Variants in CCDC30 observed in about 807,000 individuals in gnomAD.
CCDC30 encodes coiled-coil domain-containing protein 30.
CCDC30 carries 70 observed loss-of-function variants against 100.2 expected under a neutral mutation model. The ratio of observed to expected loss-of-function variants is 0.70; its 90% confidence interval spans 0.58 to 0.85. CCDC30 has a LOEUF of 0.85. CCDC30 is among the 40% of genes least tolerant of loss of function. The pLI is 0.00. For synonymous variants in CCDC30, 233 were observed against 269.5 expected, an observed-to-expected ratio of 0.86 and a Z score of 1.33; for missense variants, 652 against 771.2, an observed-to-expected ratio of 0.85 and a Z score of 1.83.
chr1:42,654,212 C>T, downstream of CCDC30: 1 of 589,120 alleles, frequency 1.7e-6, no homozygotes, highest in Non-Finnish European at 3.0e-6. Flanking sequence ...TGTTTGATAT[C>T]CTCAGATGCC....
intron 6 of CCDC30, among the ~76,000 whole-genome samples, chr1:42,534,221 AG>A (rs113915722): frequency 0.046 from 6,846 of 149,354 alleles, 496 homozygotes; most frequent in African/African-American, 0.15. Context: ...AAAGAAAATG[AG>A]GGGGGGGGTT....
rs1246461256 is a variant in CCDC30, at chr1:42,494,728, T to G, written c.242-2370T>G. The stretch of plus-strand genomic sequence containing the variant: ...ACAGACACTTCTCAAAAGAAGACAT[T>G]TATGCAGCCAAAAAACACATGAAAA... On this transcript the variant is annotated intron_variant, in intron 4 of 16. Coordinates refer to ENST00000668663, the Ensembl canonical transcript of CCDC30. Among the ~76,000 whole-genome samples the G allele has an allele frequency of 3.7e-5, 5 of 135,826 alleles. No homozygotes were observed. In the East Asian group the frequency reaches 1.0e-3, roughly 28 times the overall value. The allele number at this position is 135,826 out of a possible 152,430, so 89.1% of individuals were successfully genotyped here. A position where few individuals can be genotyped will look rare whatever the true frequency, so the allele number is the denominator to read the frequency against.
At chr1:42,589,030 G>A (rs1040039008) in intron 9 of CCDC30, among the ~76,000 whole-genome samples, 4 of 152,048 alleles carry the variant, frequency 2.6e-5, no homozygotes, top group African/African-American at 9.7e-5. Context: ...TTCAGGATTC[G>A]AGCCCTACCT....
chr1:42,581,297 C>T (rs1645960660), intron 8 of CCDC30, 63 bp from the exon 13 acceptor site: 1 of 1,295,226 alleles, frequency 7.7e-7, no homozygotes, highest in Non-Finnish European at 1.1e-6. Flanking sequence ...ATGTTATTCC[C>T]CTAATTTGAA....
chr1:42,602,848 G>T (rs181354970), intron 10 of CCDC30, among the ~76,000 whole-genome samples: 101 of 152,276 alleles, frequency 6.6e-4, no homozygotes, highest in African/African-American at 2.2e-3. Flanking sequence ...GTACAGACCA[G>T]TATCTCTCAC....
chr1:42,521,357 T>G (rs1412590935), intron 6 of CCDC30: 1 of 154,692 alleles, frequency 6.5e-6, no homozygotes, highest in African/African-American at 2.4e-5. Flanking sequence ...TTCTACAAAT[T>G]GTGAATTTTT....
intron 6 of CCDC30, among the ~76,000 whole-genome samples, chr1:42,510,388 G>A (rs1486074356): frequency 6.6e-6 from 1 of 152,162 alleles, no homozygotes; most frequent in Non-Finnish European, 1.5e-5. Flanking sequence ...GCCAGGTGTG[G>A]TGGCTCATGC....
chr1:42,589,566 C>G, intron 10 of CCDC30, 83 bp downstream of exon 14: 2 of 1,240,852 alleles, frequency 1.6e-6, no homozygotes. Flanking sequence ...TAGCACTTTA[C>G]TAAACCTAAT....
intron 14 of CCDC30, among the ~76,000 whole-genome samples, chr1:42,645,773 GTCAT>G (rs978876504): frequency 7.9e-5 from 12 of 152,018 alleles, no homozygotes; most frequent in Non-Finnish European, 1.5e-4. Context: ...CAATTGTCTA[GTCAT>G]TCATTCTTTT....
At chr1:42,494,278 G>T (rs1482600767) in intron 4 of CCDC30, among the ~76,000 whole-genome samples, 2 of 152,168 alleles carry the variant, frequency 1.3e-5, no homozygotes, top group Non-Finnish European at 2.9e-5. Context: ...TTAATAAATG[G>T]TGCTGGGAAA....
chr1:42,625,015 C>T (rs149649702), intron 11 of CCDC30, among the ~76,000 whole-genome samples: 1 of 151,942 alleles, frequency 6.6e-6, no homozygotes, highest in Non-Finnish European at 1.5e-5. Flanking sequence ...TGGGTTCTGG[C>T]CTTTTCTTTA....
At chr1:42,461,485 G>A (rs1008794998), upstream of CCDC30, among the ~76,000 whole-genome samples, 1 of 151,586 alleles carries the variant, frequency 6.6e-6, no homozygotes, top group Non-Finnish European at 1.5e-5. Flanking sequence ...ACAGGTGTGT[G>A]CCACCATGCC....
At chr1:42,527,816 T>C (rs148154754) in intron 6 of CCDC30, among the ~76,000 whole-genome samples, 14 of 152,232 alleles carry the variant, frequency 9.2e-5, no homozygotes, top group Admixed American at 8.5e-4. Flanking sequence ...TCTAATCTTT[T>C]AACCTCATCT....
intron 10 of CCDC30, among the ~76,000 whole-genome samples, chr1:42,607,850 A>G (rs12024674): frequency 6.6e-6 from 1 of 152,038 alleles, no homozygotes; most frequent in African/African-American, 2.4e-5. Flanking sequence ...GATTCCATCT[A>G]TGCTTTCTGC....
At chr1:42,564,118 C>T (rs1645555998) in intron 6 of CCDC30, among the ~76,000 whole-genome samples, 1 of 152,108 alleles carries the variant, frequency 6.6e-6, no homozygotes, top group Admixed American at 6.5e-5. Context: ...CAGGAGCATA[C>T]TGGACCAGGA....
intron 6 of CCDC30, among the ~76,000 whole-genome samples, chr1:42,501,139 C>T (rs965592876): frequency 6.6e-6 from 1 of 152,080 alleles, no homozygotes; most frequent in Admixed American, 6.5e-5. Flanking sequence ...ATACTTTCTT[C>T]TAAATTTTTT....
chr1:42,501,892 C>T (rs957224579), intron 6 of CCDC30, among the ~76,000 whole-genome samples: 1 of 141,454 alleles, frequency 7.1e-6, no homozygotes, highest in Non-Finnish European at 1.5e-5. Context: ...AGTTAGGCTA[C>T]TCAGGTGTCA....
At chr1:42,482,761 G>A in exon 3 of CCDC30, 2 of 1,233,948 alleles carry the variant, frequency 1.6e-6, no homozygotes, top group Non-Finnish European at 2.0e-6. Flanking sequence ...CTCATGAAGA[G>A]ATTCAAAGGC....
Position 42,646,330 on chromosome 1 carries a change from A to C in CCDC30, c.1854+13A>C, listed in dbSNP as rs1232307930. Reference sequence around the variant, plus strand: ...CTCTGAGCAGATGGTAGGAGAATCCAACTTCCACATCCACAATACCCTTCC... The same window carrying C: ...CTCTGAGCAGATGGTAGGAGAATCCCACTTCCACATCCACAATACCCTTCC... On this transcript the variant is annotated intron_variant, in intron 15 of 16. Transcript: ENST00000668663. The C allele has an allele frequency of 6.8e-7, 1 of 1,475,064 alleles. No homozygotes were observed. Among genetic ancestry groups the C allele is most frequent in the Non-Finnish European group, 9.0e-7 (1 of 1,109,758 alleles). 91.4% of individuals were successfully genotyped at this position (1,475,064 alleles called of 1,614,324 possible).
Sources: gnomAD v4.1 joint callset for allele counts (sites outside exome capture counted in the v4.1 genomes callset) on GRCh38, gnomAD v4.1.1 for gene constraint, MANE v1.5 for transcripts, NCBI Gene and HGNC (gene_info 2026-07-23, HGNC 2026-07-21) for gene names.